Variants in CSMD1 observed in about 807,000 individuals in gnomAD.
CSMD1 encodes CUB and sushi domain-containing protein 1.
A neutral mutation model predicts 417.5 loss-of-function variants in CSMD1; 213 were observed. The ratio of observed to expected loss-of-function variants is 0.51; its 90% CI spans 0.46 to 0.57. The LOEUF (loss-of-function observed/expected upper bound fraction) is 0.57. CSMD1 is among the 20% of genes least tolerant of loss of function. CSMD1 has a pLI of 0.00. For synonymous variants in CSMD1, 2,862 were observed against 1,736.8 expected, an observed-to-expected ratio of 1.65 and a Z score of -16.11; for missense variants, 6,923 against 4,529.7, an observed-to-expected ratio of 1.53 and a Z score of -15.17.
intron 2 of CSMD1, among the ~76,000 whole-genome samples, chr8:4,534,798 C>T (rs941376607): frequency 2.5e-4 from 38 of 152,142 alleles, no homozygotes; most frequent in African/African-American, 2.4e-4. Flanking sequence ...AGTCTTGCTC[C>T]GTTGCCCAGG....
chr8:4,731,890 T>A (rs1391062311), intron 1 of CSMD1, among the ~76,000 whole-genome samples: 1 of 152,254 alleles, frequency 6.6e-6, no homozygotes, highest in East Asian at 1.9e-4. Flanking sequence ...AACTGTCTCT[T>A]CTAATATTAC....
intron 5 of CSMD1, among the ~76,000 whole-genome samples, chr8:3,935,459 A>C (rs1170586804): frequency 2.0e-5 from 3 of 152,144 alleles, no homozygotes; most frequent in South Asian, 2.1e-4. Context: ...CCCGACATTA[A>C]ACAGGTCTAT....
intron 3 of CSMD1, among the ~76,000 whole-genome samples, chr8:4,102,409 A>G (rs1801351529): frequency 6.6e-6 from 1 of 152,194 alleles, no homozygotes; most frequent in East Asian, 1.9e-4. Flanking sequence ...CCTCTGGAGA[A>G]TATTCTCCCT....
At chr8:3,478,152 T>A (rs1267548338) in intron 11 of CSMD1, among the ~76,000 whole-genome samples, 1 of 152,192 alleles carries the variant, frequency 6.6e-6, no homozygotes, top group African/African-American at 2.4e-5. Flanking sequence ...TGTGCTGAAA[T>A]CCATTACAGC....
At chr8:3,644,582 G>T (rs908122523) in intron 7 of CSMD1, among the ~76,000 whole-genome samples, 1 of 152,152 alleles carries the variant, frequency 6.6e-6, no homozygotes, top group African/African-American at 2.4e-5. Flanking sequence ...CTGAAGGATT[G>T]CAGAGCTGTG....
intron 1 of CSMD1, among the ~76,000 whole-genome samples, chr8:4,988,129 A>G (rs1047757609): frequency 6.6e-6 from 1 of 152,236 alleles, no homozygotes; most frequent in African/African-American, 2.4e-5. Flanking sequence ...AGACACCAAC[A>G]ATTTGACTCC....
chr8:4,905,660 C>T (rs552269418), intron 1 of CSMD1, among the ~76,000 whole-genome samples: 1 of 150,202 alleles, frequency 6.7e-6, no homozygotes, highest in African/African-American at 2.4e-5. Context: ...TCTACTAAAA[C>T]TACAAAAAAA....
chr8:4,284,829 A>G (rs1796973954), intron 3 of CSMD1, among the ~76,000 whole-genome samples: 1 of 152,138 alleles, frequency 6.6e-6, no homozygotes, highest in Non-Finnish European at 1.5e-5. Flanking sequence ...GCCGTGTTCA[A>G]AAACAAAACA....
chr8:4,257,041 G>C (rs904214729), intron 3 of CSMD1, among the ~76,000 whole-genome samples: 1 of 152,144 alleles, frequency 6.6e-6, no homozygotes, highest in Non-Finnish European at 1.5e-5. Flanking sequence ...TCTAGGAAAA[G>C]TGCCTGTGTC....
chr8:4,547,387 CTTTTA>C (rs1303550843), intron 2 of CSMD1, among the ~76,000 whole-genome samples: 1 of 152,192 alleles, frequency 6.6e-6, no homozygotes, highest in Non-Finnish European at 1.5e-5. Context: ...TTACTTTCTT[CTTTTA>C]TATTTGTGAG....
intron 5 of CSMD1, among the ~76,000 whole-genome samples, chr8:3,859,688 G>T (rs770619108): frequency 6.6e-6 from 1 of 152,090 alleles, no homozygotes; most frequent in Admixed American, 6.6e-5. Context: ...TCAATGAGTC[G>T]TGCCTACATA....
intron 22 of CSMD1, among the ~76,000 whole-genome samples, chr8:3,346,315 C>G (rs1585032069): frequency 6.6e-6 from 1 of 152,142 alleles, no homozygotes; most frequent in East Asian, 1.9e-4. Context: ...GTATTTTATG[C>G]AGTATCTCTA....
chr8:4,384,835 G>C (rs567275040), intron 3 of CSMD1, among the ~76,000 whole-genome samples: 92 of 152,252 alleles, frequency 6.0e-4, no homozygotes, highest in Admixed American at 1.9e-3. Context: ...AATTTGAGTA[G>C]AGAAAGAGGC....
chr8:4,694,826 C>T (rs537095461), intron 1 of CSMD1, among the ~76,000 whole-genome samples: 4 of 152,128 alleles, frequency 2.6e-5, no homozygotes, highest in East Asian at 3.9e-4. Flanking sequence ...CTAAATTGAC[C>T]GAGACCTGTC....
At chr8:3,737,874 C>A (rs180795885) in intron 6 of CSMD1, among the ~76,000 whole-genome samples, 167 of 152,316 alleles carry the variant, frequency 1.1e-3, no homozygotes, top group African/African-American at 3.6e-3. Context: ...CTTATTTAGT[C>A]TTTGCCCAGT....
chr8:4,413,230 G>A (rs554205444), intron 3 of CSMD1, among the ~76,000 whole-genome samples: 3 of 152,158 alleles, frequency 2.0e-5, no homozygotes, highest in Admixed American at 2.0e-4. Context: ...AACCATCAGG[G>A]TGCAACTGTG....
intron 1 of CSMD1, among the ~76,000 whole-genome samples, chr8:4,970,954 T>A (rs1810202191): frequency 6.6e-6 from 1 of 152,140 alleles, no homozygotes; most frequent in Admixed American, 6.6e-5. Context: ...ACATATGATA[T>A]CAGTGTGTTT....
At chr8:3,873,344 A>G (rs77725490) in intron 5 of CSMD1, among the ~76,000 whole-genome samples, 3,696 of 152,262 alleles carry the variant, frequency 0.024, 58 homozygotes, top group Non-Finnish European at 0.035. Flanking sequence ...AAAATGTGAT[A>G]TGTATATACC....
intron 5 of CSMD1, among the ~76,000 whole-genome samples, chr8:3,962,986 G>T (rs997530404): frequency 5.9e-5 from 9 of 152,098 alleles, no homozygotes; most frequent in Non-Finnish European, 1.3e-4. Flanking sequence ...ACCCAGGCTG[G>T]AGTGCGGTGG....
Sources: allele counts gnomAD v4.1 joint callset (sites outside exome capture counted in the v4.1 genomes callset), GRCh38; gene constraint gnomAD v4.1.1; transcripts MANE v1.5; gene names NCBI Gene and HGNC (gene_info 2026-07-23, HGNC 2026-07-21).